SLC22A6: variants seen among roughly 807,000 people sequenced by gnomAD.
SLC22A6 encodes the protein solute carrier family 22 member 6, also known as PAH transporter.
SLC22A6 carries 45 observed loss-of-function variants against 56.7 expected under a neutral mutation model. The observed-to-expected ratio is 0.79, with a 90% CI of 0.63 to 1.02. SLC22A6 has a LOEUF of 1.02. SLC22A6 is among the 50% of genes least tolerant of loss of function. SLC22A6 has a pLI of 0.00. For missense variants in SLC22A6, 606 were observed against 713.8 expected, an observed-to-expected ratio of 0.85 and a Z score of 1.72; for synonymous variants, 291 against 295.9, an observed-to-expected ratio of 0.98 and a Z score of 0.17.
At position 62,976,890 on chromosome 11, in the gene SLC22A6, C is replaced by A. The variant is rs75647235; in HGVS notation, c.1566-9G>T. Reference sequence around the variant, plus strand: ...GCGTCTGTTTCCCTTTCCTGCAGGGCGGCAGAAGAATGGCACTCTGGGTAT... The same window carrying A: ...GCGTCTGTTTCCCTTTCCTGCAGGGAGGCAGAAGAATGGCACTCTGGGTAT... On this transcript the variant is annotated splice_polypyrimidine_tract_variant and intron_variant, in intron 9 of 9. Coordinates refer to ENST00000360421, the MANE Select transcript of SLC22A6 (RefSeq NM_153276.3). 6.2e-7 allele frequency: 1 copy of A among 1,613,430 alleles called. No homozygotes were observed. The highest frequency in any genetic ancestry group is 8.5e-7 in the Non-Finnish European group (1 of 1,179,784).
chr11:62,980,067 G>A, intron 6 of SLC22A6, 119 bp from the exon 7 acceptor site: 1 of 686,682 alleles, frequency 1.5e-6, no homozygotes. Flanking sequence ...ATCTGCCTTG[G>A]CTAATATTTC....
At position 62,984,302 on chromosome 11, in the gene SLC22A6, G is replaced by A. The variant is rs1282505186; in HGVS notation, c.369+20C>T. Reference sequence around the variant, plus strand: ...CATCTTCCCATCTTGGCCCCTGGATGGGGAGCCCCAGGTGCTCACCTCAGT... The same window carrying A: ...CATCTTCCCATCTTGGCCCCTGGATAGGGAGCCCCAGGTGCTCACCTCAGT... On this transcript the variant is annotated intron_variant, in intron 1 of 9. Transcript: ENST00000360421. 1 of 1,609,956 alleles carries A rather than the reference G, an allele frequency of 6.2e-7. No homozygotes were observed. Among genetic ancestry groups the A allele is most frequent in the Non-Finnish European group, 8.5e-7 (1 of 1,179,222 alleles).
At position 62,984,568 on chromosome 11, in the gene SLC22A6, A is replaced by C. The variant is rs1457063353; in HGVS notation, c.123T>G (p.Thr41=). 4.3e-6 allele frequency: 7 copies of C among 1,613,434 alleles called. No individual in the cohort carries two copies. Among genetic ancestry groups the C allele is most frequent in the Non-Finnish European group, 5.9e-6 (7 of 1,179,812 alleles). ...MASHNTLQNF[T]AAIPTHHCRP... ...GGCAGTGGTGGGTAGGGATGGCAGC[A>C]GTGAAGTTCTGCAGGGTGTTGTGAG... Residue 41 remains threonine, a synonymous_variant, in exon 1 of 10, where the codon ACT becomes ACG. Transcript: ENST00000360421.
chr11:62,977,859 C>T (rs1291262221), intron 8 of SLC22A6, among the ~76,000 whole-genome samples: 1 of 152,174 alleles, frequency 6.6e-6, no homozygotes, highest in Non-Finnish European at 1.5e-5. Context: ...CCAACATACA[C>T]CTATTGGATT....
chr11:62,983,864 G>T lies in SLC22A6; in HGVS notation c.473+80C>A. 1 of 1,238,960 alleles carries T rather than the reference G, an allele frequency of 8.1e-7. No homozygotes were observed. The highest frequency in any genetic ancestry group is 1.1e-6 in the Non-Finnish European group (1 of 879,832). The allele number at this position is 1,238,960 out of a possible 1,614,324, so 76.7% of individuals were successfully genotyped here. A position where few individuals can be genotyped will look rare whatever the true frequency, so the allele number is the denominator to read the frequency against. ...AACCAGCGCCGGCTGGCAATGCCAA[G>T]CTCCCACCTAGACACCCTGAGCCCA... On this transcript the variant is annotated intron_variant, in intron 2 of 9. Transcript: ENST00000360421. This position sits in a 1 kb window ranked among gnomAD's most constrained non-coding sequence, Gnocchi z 4.5.
chr11:62,981,250 G>T lies in SLC22A6; in HGVS notation c.921+10C>A. 1 of 1,609,940 alleles carries T rather than the reference G, an allele frequency of 6.2e-7. No homozygotes were observed. The highest frequency in any genetic ancestry group is 2.2e-5 in the East Asian group (1 of 44,742). On this transcript the variant is annotated intron_variant, in intron 5 of 9. Coordinates refer to ENST00000360421, the MANE Select transcript of SLC22A6 (RefSeq NM_153276.3). ...GGGAGGTTATCATGGGAAGTCTCAGGGGATCTCACCTCCATACTCAATTTG... is the reference window on the plus strand; with the variant it reads ...GGGAGGTTATCATGGGAAGTCTCAGTGGATCTCACCTCCATACTCAATTTG...
At chr11:62,980,075 T>G in intron 6 of SLC22A6, 127 bp from the exon 7 acceptor site, 2 of 665,544 alleles carry the variant, frequency 3.0e-6, no homozygotes, top group South Asian at 3.6e-5. Context: ...TGGCTAATAT[T>G]TCTTCATTTA....
In SLC22A6 at chr11:62,978,309, G is replaced by GTTTATTTTATTTTATTTTATTTTAT. The variant is rs57569773; in HGVS notation, c.1362-947_1362-923dup. On this transcript the variant is annotated intron_variant, in intron 8 of 9. Coordinates refer to ENST00000360421, the MANE Select transcript of SLC22A6 (RefSeq NM_153276.3). ...CATGTAAATTTTGCATCCCATTCTTGTTTATTTTATTTTATTTTATTTTAT... is the reference window on the plus strand; with the variant it reads ...CATGTAAATTTTGCATCCCATTCTTGTTTATTTTATTTTATTTTATTTTATTTTATTTTATTTTATTTTATTTTAT... Among the ~76,000 whole-genome samples, 893 of 133,306 alleles carry GTTTATTTTATTTTATTTTATTTTAT rather than the reference G, an allele frequency of 6.7e-3. 7 individuals are homozygous for GTTTATTTTATTTTATTTTATTTTAT. The highest frequency in any genetic ancestry group is 0.019 in the Middle Eastern group (5 of 270). 87.5% of individuals were successfully genotyped at this position (133,306 alleles called of 152,430 possible).
intron 8 of SLC22A6, among the ~76,000 whole-genome samples, chr11:62,979,104 G>T (rs543119416): frequency 6.6e-6 from 1 of 152,362 alleles, no homozygotes; most frequent in South Asian, 2.1e-4. Context: ...TTTCATGTTT[G>T]TGGCCTTTGC....
At position 62,979,736 on chromosome 11, in the gene SLC22A6, TG is replaced by T; in HGVS notation, c.1249del (p.Gln417ArgfsTer36). 1 of 1,613,856 alleles carries T rather than the reference TG, an allele frequency of 6.2e-7. No individual in the cohort carries two copies. The highest frequency in any genetic ancestry group is 8.5e-7 in the Non-Finnish European group (1 of 1,179,768). On this transcript the variant is annotated frameshift_variant, in exon 7 of 10. Coordinates refer to ENST00000360421, the MANE Select transcript of SLC22A6 (RefSeq NM_153276.3). LOFTEE classifies it high-confidence loss of function. ...ICILLNGVIP[Q>X]DQSIVRTSLA... ...CCAAGGTGCTCGTGGGTGCTCACCC[TG>T]GGGTATCACCCCATTGAGCAGGATG... is the stretch of plus-strand genomic sequence containing the variant.
At position 62,984,891 on chromosome 11, in the gene SLC22A6, C is replaced by T. The variant is rs1480541190; in HGVS notation, c.-201G>A. On this transcript the variant is annotated 5_prime_UTR_variant, in exon 1 of 10. Transcript: ENST00000360421. The stretch of plus-strand genomic sequence containing the variant: ...TGCTCCTCCTTCTTCCCCGGTCTCC[C>T]TGATCTGTCCCTCCCTTTTCCCTTG... The T allele has an allele frequency of 1.7e-6, 1 of 595,014 alleles. No homozygotes were observed. Among genetic ancestry groups the T allele is most frequent in the Non-Finnish European group, 3.0e-6 (1 of 336,624 alleles). 36.9% of individuals were successfully genotyped at this position (595,014 alleles called of 1,614,324 possible).
At position 62,984,412 on chromosome 11, in the gene SLC22A6, G is replaced by C; in HGVS notation, c.279C>G (p.Gly93=). Residue 93 remains glycine (G), a synonymous_variant, in exon 1 of 10, where the codon GGC becomes GGG. Transcript: ENST00000360421. The stretch of plus-strand genomic sequence containing the variant: ...TGGCCCCTGTGCCATTGGCTTCTGT[G>C]CCATTGAGAAAGGGCAGTCCCCACT... ...SPQWGLPFLN[G]TEANGTGATE... 1 of 1,613,906 alleles carries C rather than the reference G, an allele frequency of 6.2e-7. No individual in the cohort carries two copies. The highest frequency in any genetic ancestry group is 8.5e-7 in the Non-Finnish European group (1 of 1,179,988).
chr11:62,982,183 A>AG (rs2086263517), intron 3 of SLC22A6, among the ~76,000 whole-genome samples, 173 bp from the exon 4 acceptor site: 1 of 150,596 alleles, frequency 6.6e-6, no homozygotes, highest in South Asian at 2.1e-4. Flanking sequence ...ATGGATGAGG[A>AG]GCTGGGTTCA....
At position 62,979,881 on chromosome 11, in the gene SLC22A6, G is replaced by C. The variant is rs146915707; in HGVS notation, c.1105C>G (p.Leu369Val). 1 of 1,614,168 alleles carries C rather than the reference G, an allele frequency of 6.2e-7. No homozygotes were observed. The highest frequency in any genetic ancestry group is 8.5e-7 in the Non-Finnish European group (1 of 1,180,006). ...DLQGFGVSIY[L>V]IQVIFGAVDL... ...ACAGCACCAAAGATCACCTGGATTA[G>C]GTAGATGCTGACTCCAAAGCCCTGC... The change falls in exon 7 of 10, where the codon CTA (leucine) becomes GTA (valine). Residue 369 changes from leucine (L) to valine (V), a missense_variant. By Grantham distance (32) the Leu-to-Val change is conservative (BLOSUM62 1). Transcript: ENST00000360421.
chr11:62,979,632 G>C, intron 7 of SLC22A6, 36 bp from the exon 8 acceptor site: 1 of 1,595,410 alleles, frequency 6.3e-7, no homozygotes, highest in Non-Finnish European at 8.6e-7. Context: ...AGGAGCTTGG[G>C]AGTGGAGGCT....
chr11:62,984,248 AC>A lies in SLC22A6; in HGVS notation c.369+73del, dbSNP rs1247895395. The A allele has an allele frequency of 1.7e-5, 21 of 1,230,544 alleles. No individual in the cohort carries two copies. The Middle Eastern group carries it at 9.7e-4, about 57-fold the overall frequency. 76.2% of individuals were successfully genotyped at this position (1,230,544 alleles called of 1,614,324 possible). A position where few individuals can be genotyped will look rare whatever the true frequency, so the allele number is the denominator to read the frequency against. On this transcript the variant is annotated intron_variant, in intron 1 of 9. Coordinates refer to ENST00000360421, the MANE Select transcript of SLC22A6 (RefSeq NM_153276.3). ...AACTCAGCAGTTAATTTCTCCATGT[AC>A]TTTTTTTTTTTTTTTAACAAAGGCC...
chr11:62,980,591 A>T (rs1221319956), intron 6 of SLC22A6, among the ~76,000 whole-genome samples: 1 of 152,186 alleles, frequency 6.6e-6, no homozygotes, highest in Non-Finnish European at 1.5e-5. Context: ...TTCTTTGGAG[A>T]TGAGTTTTAG....
At position 62,976,630 on chromosome 11, in the gene SLC22A6, C is replaced by T. The variant is rs2086191508; in HGVS notation, c.*164G>A. The T allele has an allele frequency of 5.2e-6, 3 of 576,464 alleles. No homozygotes were observed. Among genetic ancestry groups the T allele is most frequent in the Non-Finnish European group, 6.2e-6 (2 of 321,852 alleles). The allele number at this position is 576,464 out of a possible 1,614,324, so 35.7% of individuals were successfully genotyped here. On this transcript the variant is annotated 3_prime_UTR_variant, in exon 10 of 10. Coordinates refer to ENST00000360421, the MANE Select transcript of SLC22A6 (RefSeq NM_153276.3). ...AGTCAAACCTTTTAATGATGTGGTT[C>T]TGGTGGGGTTTATAAAGGGAGGTGG...
rs534694639 is a variant in SLC22A6, at chr11:62,983,407, G to C, written c.628+130C>G. The C allele has an allele frequency of 3.3e-6, 3 of 913,366 alleles. No homozygotes were observed. In the South Asian group the frequency reaches 4.6e-5, roughly 14 times the overall value. 56.6% of individuals were successfully genotyped at this position (913,366 alleles called of 1,614,324 possible). On this transcript the variant is annotated intron_variant, in intron 3 of 9. Transcript: ENST00000360421. This position sits in a 1 kb window ranked among gnomAD's most constrained non-coding sequence, Gnocchi z 4.5. The stretch of plus-strand genomic sequence containing the variant: ...AGCCTGAGAAAAGGTTGTTCTATTG[G>C]CAGGAAGGTGAGACCCGAGAGAGGC...
Sources: gnomAD v4.1 joint callset for allele counts (sites outside exome capture counted in the v4.1 genomes callset) on GRCh38, gnomAD v4.1.1 for gene constraint, Gnocchi (gnomAD v3.1) non-coding constraint, MANE v1.5 for transcripts, NCBI Gene and HGNC (gene_info 2026-07-23, HGNC 2026-07-21) for gene names.